HDAC9: variants seen among roughly 807,000 people sequenced by gnomAD.
HDAC9 encodes MEF-2 interacting transcription repressor (MITR) protein.
HDAC9 carries 41 observed loss-of-function variants against 139.4 expected under a neutral mutation model. The ratio of observed to expected loss-of-function variants is 0.29; its 90% CI spans 0.23 to 0.38. The LOEUF is 0.38. HDAC9 is among the 10% of genes least tolerant of loss of function. The probability of loss-of-function intolerance (pLI) is 1.00; values close to 1 mark genes in which losing one functional copy is unlikely to be tolerated. For synonymous variants in HDAC9, 517 were observed against 476.2 expected (o/e 1.09, Z -1.12); for missense variants, 1,147 against 1,297.0 (o/e 0.88, Z 1.78).
intron 6 of HDAC9, among the ~76,000 whole-genome samples, chr7:18,606,199 A>G (rs549256823): frequency 6.6e-6 from 1 of 152,302 alleles, no homozygotes; most frequent in South Asian, 2.1e-4. Flanking sequence ...TCTCTGATAG[A>G]TCTACGAAAA....
chr7:18,153,815 G>A (rs1168430453), intron 1 of HDAC9, among the ~76,000 whole-genome samples: 1 of 152,124 alleles, frequency 6.6e-6, no homozygotes, highest in South Asian at 2.1e-4. Context: ...TTTGGGCAAT[G>A]GCCCTGGTGA....
At chr7:18,783,001 G>C (rs950887600) in intron 16 of HDAC9, among the ~76,000 whole-genome samples, 5 of 152,052 alleles carry the variant, frequency 3.3e-5, no homozygotes, top group Non-Finnish European at 7.4e-5. Flanking sequence ...TAAAAGAATA[G>C]GATAAAGTAG....
At chr7:18,930,755 A>C (rs1284822297) in intron 22 of HDAC9, among the ~76,000 whole-genome samples, 1 of 152,250 alleles carries the variant, frequency 6.6e-6, no homozygotes, top group African/African-American at 2.4e-5. Context: ...TGCAGAGATC[A>C]CATGGGTAAC....
At chr7:18,994,944 C>T (rs969959350) in intron 25 of HDAC9, among the ~76,000 whole-genome samples, 4 of 152,158 alleles carry the variant, frequency 2.6e-5, no homozygotes, top group Non-Finnish European at 5.9e-5. Flanking sequence ...AGAGAAGCAT[C>T]ATCCAAATAT....
chr7:18,609,016 T>A (rs946862882), intron 6 of HDAC9, among the ~76,000 whole-genome samples: 4 of 152,164 alleles, frequency 2.6e-5, no homozygotes, highest in African/African-American at 9.6e-5. Context: ...TATTATTATT[T>A]TTTTGGTTGT....
At chr7:18,197,068 C>T (rs764556) in intron 2 of HDAC9, among the ~76,000 whole-genome samples, 47,658 of 151,968 alleles carry the variant, frequency 0.31, 8,070 homozygotes, top group African/African-American at 0.44. Flanking sequence ...GCTGACCCCC[C>T]TTATGTAAGA....
chr7:18,186,877 C>T (rs1789956537), intron 2 of HDAC9, among the ~76,000 whole-genome samples: 1 of 152,138 alleles, frequency 6.6e-6, no homozygotes, highest in South Asian at 2.1e-4. Context: ...AAGTCTTTAT[C>T]TCTTTAACAT....
intron 1 of HDAC9, among the ~76,000 whole-genome samples, chr7:18,413,565 C>T (rs114741417): frequency 0.011 from 1,681 of 152,152 alleles, 26 homozygotes; most frequent in African/African-American, 0.037. Context: ...TCCTATATGT[C>T]GGAAGCTCTG....
chr7:18,788,625 G>A (rs111491925), intron 16 of HDAC9, among the ~76,000 whole-genome samples: 181 of 151,850 alleles, frequency 1.2e-3, no homozygotes, highest in Non-Finnish European at 2.1e-3. Context: ...TGTGGTGGCG[G>A]ATGCCTGAAA....
Position 18,667,823 on chromosome 7 carries a change from C to T in HDAC9, c.1731+1347C>T, listed in dbSNP as rs1428316748. On this transcript the variant is annotated intron_variant, in intron 12 of 25. Coordinates refer to ENST00000686413, the MANE Select transcript of HDAC9 (RefSeq NM_178425.4). ...TTGTTACGGAAGCTTTTCACTGGAA[C>T]ATTTCCTTCATATTCCCTTTTGATA... The T allele has an allele frequency of 5.1e-6, 5 of 983,768 alleles. No homozygotes were observed. The African/African-American group carries it at 8.7e-5, about 17-fold the overall frequency. 60.9% of individuals were successfully genotyped at this position (983,768 alleles called of 1,614,324 possible).
intron 1 of HDAC9, among the ~76,000 whole-genome samples, chr7:18,384,701 C>A (rs1785752674): frequency 6.6e-6 from 1 of 151,854 alleles, no homozygotes; most frequent in East Asian, 1.9e-4. Flanking sequence ...GTTGAGTTAT[C>A]CCATAAGCCA....
In HDAC9 at chr7:18,996,125, T is replaced by G; in HGVS notation, c.*63T>G. 2.4e-6 allele frequency: 3 copies of G among 1,239,284 alleles called. No individual in the cohort carries two copies. The highest frequency in any genetic ancestry group is 2.3e-6 in the Non-Finnish European group (2 of 860,022). The allele number at this position is 1,239,284 out of a possible 1,614,324, so 76.8% of individuals were successfully genotyped here. ...ATCATTGTGTATCCCCCCACCCCAG[T>G]ACCCTCAGACATGTCTTGTCTGCTG... On this transcript the variant is annotated 3_prime_UTR_variant, in exon 26 of 26. Coordinates refer to ENST00000686413, the MANE Select transcript of HDAC9 (RefSeq NM_178425.4).
At chr7:18,162,655 T>C (rs566441183) in intron 2 of HDAC9, 36 of 304,694 alleles carry the variant, frequency 1.2e-4, no homozygotes, top group Non-Finnish European at 2.0e-4. Flanking sequence ...TATATAGGAA[T>C]CCATTTTTCA....
intron 2 of HDAC9, among the ~76,000 whole-genome samples, chr7:18,533,572 C>G (rs1809791093): frequency 6.6e-6 from 1 of 151,950 alleles, no homozygotes; most frequent in Admixed American, 6.6e-5. Flanking sequence ...TTTGGCTTCC[C>G]CAACACATTT....
In HDAC9 at chr7:18,534,114, C is replaced by A. The variant is rs143719413; in HGVS notation, c.22+37790C>A. ...TTTGATCTCTCCTGCGTGTTGGGAG[C>A]CTTCATATTTAAAATGAGCATTTGA... On this transcript the variant is annotated intron_variant, in intron 2 of 25. Coordinates refer to ENST00000686413, the MANE Select transcript of HDAC9 (RefSeq NM_178425.4). Among the ~76,000 whole-genome samples, 454 of 152,128 alleles carry A rather than the reference C, an allele frequency of 3.0e-3. 4 individuals are homozygous for A. The Middle Eastern group carries it at 0.055, about 18-fold the overall frequency.
At chr7:18,624,853 C>A (rs1184778806) in intron 6 of HDAC9, among the ~76,000 whole-genome samples, 1 of 151,920 alleles carries the variant, frequency 6.6e-6, no homozygotes, top group Non-Finnish European at 1.5e-5. Flanking sequence ...ATCATCTCAT[C>A]TCTCACCCTC....
chr7:18,386,699 C>T (rs573950605), intron 1 of HDAC9, among the ~76,000 whole-genome samples: 52 of 152,312 alleles, frequency 3.4e-4, no homozygotes, highest in African/African-American at 1.1e-3. Context: ...CACGATTAAA[C>T]CATAGCTGGA....
chr7:18,149,340 A>G (rs957909856), intron 1 of HDAC9, among the ~76,000 whole-genome samples: 3 of 149,320 alleles, frequency 2.0e-5, no homozygotes, highest in East Asian at 3.9e-4. Flanking sequence ...TTCTTATAAT[A>G]ATTAATAATT....
chr7:18,922,693 G>A (rs989709595), intron 22 of HDAC9, among the ~76,000 whole-genome samples: 1 of 152,098 alleles, frequency 6.6e-6, no homozygotes, highest in Non-Finnish European at 1.5e-5. Flanking sequence ...AAAGTCCAGA[G>A]ATGGGAATTG....
Sources: gnomAD v4.1 joint callset for allele counts (sites outside exome capture counted in the v4.1 genomes callset) on GRCh38, gnomAD v4.1.1 for gene constraint, MANE v1.5 for transcripts, NCBI Gene and HGNC (gene_info 2026-07-23, HGNC 2026-07-21) for gene names.